ZNF724: variants seen among roughly 807,000 people sequenced by gnomAD.
ZNF724 encodes zinc finger protein 724 pseudogene.
In ZNF724, 14 loss-of-function variants were observed where a neutral mutation model predicts 29.3. The ratio of observed to expected loss-of-function variants is 0.48; its 90% CI spans 0.32 to 0.75. The LOEUF is 0.75. Ranked by LOEUF, ZNF724 falls within the 30% of genes least tolerant of loss-of-function variation. The pLI is 0.04. For missense variants in ZNF724, 557 were observed against 571.2 expected (o/e 0.98, Z 0.25); for synonymous variants, 180 against 193.6 (o/e 0.93, Z 0.58).
At chr19:23,245,482 G>A (rs1298052134) in intron 1 of ZNF724, among the ~76,000 whole-genome samples, 5 of 152,040 alleles carry the variant, frequency 3.3e-5, no homozygotes, top group South Asian at 2.1e-4. Context: ...GCGTGGTGGC[G>A]GGCGCCAGTA....
intron 1 of ZNF724, among the ~76,000 whole-genome samples, chr19:23,239,393 C>A (rs4932844): frequency 0.52 from 78,097 of 151,530 alleles, 20,872 homozygotes; most frequent in East Asian, 0.68. Flanking sequence ...AGCTTTGTAA[C>A]GATATAATTC....
chr19:23,222,797 C>T lies in ZNF724; in HGVS notation c.1448G>A (p.Cys483Tyr). The T allele has an allele frequency of 7.1e-7, 1 of 1,415,818 alleles. No homozygotes were observed. Among genetic ancestry groups the T allele is most frequent in the South Asian group, 1.2e-5 (1 of 84,486 alleles). 87.7% of individuals were successfully genotyped at this position (1,415,818 alleles called of 1,614,324 possible). A position where few individuals can be genotyped will look rare whatever the true frequency, so the allele number is the denominator to read the frequency against. ...TGEKPYKCEE[C>Y]GKAFNLSSHL... ...TGAGGATAGGTTAAAAGCTTTGCCA[C>T]ATTCTTCACATTTGTAGGGTTTCTC... is the stretch of plus-strand genomic sequence containing the variant. Residue 483 changes from cysteine to tyrosine, a missense_variant, in exon 4 of 4, where the codon TGT (cysteine) becomes TAT (tyrosine). Transcript: ENST00000418100.
Position 23,222,655 on chromosome 19 carries a change from T to G in ZNF724, c.1590A>C (p.Gly530=), listed in dbSNP as rs10411741. The G allele has an allele frequency of 0.55, 748,995 of 1,359,392 alleles. 208,029 individuals carry two copies. The highest frequency in any genetic ancestry group is 0.7 in the East Asian group (30,030 of 43,126). 84.2% of individuals were successfully genotyped at this position (1,359,392 alleles called of 1,614,324 possible). The change falls in exon 4 of 4, where the codon GGA becomes GGC. Residue 530 remains glycine, a synonymous_variant. Transcript: ENST00000418100. ...ATTCTTCACATTTGTAGGGTTTCTC[T>G]CCAGCATGAATTATCTTATGTCTAG... The part of the protein sequence containing the change: ...TLARHKIIHA[G]EKPYKCEECG...
intron 1 of ZNF724, among the ~76,000 whole-genome samples, chr19:23,243,039 C>CAAA (rs762188669): frequency 4.5e-5 from 5 of 112,232 alleles, no homozygotes; most frequent in African/African-American, 7.5e-5. Context: ...AACTCCATCT[C>CAAA]AAAAAAAAAA....
intron 1 of ZNF724, among the ~76,000 whole-genome samples, chr19:23,243,055 A>AAAG (rs1555725627): frequency 7.0e-4 from 26 of 37,136 alleles, no homozygotes; most frequent in African/African-American, 1.3e-3. Flanking sequence ...AAAAAAAAAA[A>AAAG]AAAGAAAGAA....
chr19:23,231,381 T>C lies in ZNF724; in HGVS notation c.131-20A>G. On this transcript the variant is annotated intron_variant, in intron 2 of 3. Transcript: ENST00000418100. Reference sequence around the variant, plus strand: ...CAATACCTGTTTTATTAAAAATAAATAACATGAATGTTGCTCATATTCTTT... The same window carrying C: ...CAATACCTGTTTTATTAAAAATAAACAACATGAATGTTGCTCATATTCTTT... 7.6e-7 allele frequency: 1 copy of C among 1,313,248 alleles called. No homozygotes were observed. Among genetic ancestry groups the C allele is most frequent in the East Asian group, 2.4e-5 (1 of 42,356 alleles). The allele number at this position is 1,313,248 out of a possible 1,614,324, so 81.3% of individuals were successfully genotyped here.
chr19:23,223,066 T>C lies in ZNF724; in HGVS notation c.1179A>G (p.Pro393=), dbSNP rs879207986. 4 of 1,279,664 alleles carry C rather than the reference T, an allele frequency of 3.1e-6. No homozygotes were observed. In the African/African-American group the frequency reaches 4.4e-5, roughly 14 times the overall value. 79.3% of individuals were successfully genotyped at this position (1,279,664 alleles called of 1,614,324 possible). A position where few individuals can be genotyped will look rare whatever the true frequency, so the allele number is the denominator to read the frequency against. Reference sequence around the variant, plus strand: ...CTTTGCCACATTCTTCACATTTGTATGGTTTTTCTCCAGTATGAATTCTCT... The same window carrying C: ...CTTTGCCACATTCTTCACATTTGTACGGTTTTTCTCCAGTATGAATTCTCT... ...QHKRIHTGEK[P]YKCEECGKAF... is the part of the protein sequence containing the mutation. Residue 393 remains proline (P), a synonymous_variant, in exon 4 of 4, where the codon CCA becomes CCG. Transcript: ENST00000418100.
At chr19:23,228,508 T>C (rs865916361) in intron 3 of ZNF724, among the ~76,000 whole-genome samples, 3 of 150,688 alleles carry the variant, frequency 2.0e-5, no homozygotes, top group African/African-American at 7.3e-5. Context: ...TCTCAGCACT[T>C]TGGGGGACTG....
chr19:23,240,084 G>A (rs1972092418), intron 1 of ZNF724, among the ~76,000 whole-genome samples: 1 of 152,088 alleles, frequency 6.6e-6, no homozygotes, highest in Non-Finnish European at 1.5e-5. Context: ...GGCCAAGGAA[G>A]GTGGATCACC....
rs766913508 is a variant in ZNF724, at chr19:23,223,484, T to A, written c.761A>T (p.Tyr254Phe). The A allele has an allele frequency of 5.3e-6, 4 of 755,718 alleles. No individual in the cohort carries two copies. In the Admixed American group the frequency reaches 7.3e-5, roughly 14 times the overall value. 46.8% of individuals were successfully genotyped at this position (755,718 alleles called of 1,614,324 possible). The change falls in exon 4 of 4, where the codon TAC (tyrosine) becomes TTC (phenylalanine). Residue 254 changes from tyrosine to phenylalanine, a missense_variant. Tyr to Phe is a conservative substitution (Grantham distance 22, BLOSUM62 3). Transcript: ENST00000418100. ...HKIIHTGEKSYKREECGKAFN... is the reference protein window; with the variant it reads ...HKIIHTGEKSFKREECGKAFN... ...AGCTTTTCCACATTCTTCACGTTTG[T>A]AGGATTTCTCTCCAGTATGAATTAT...
chr19:23,224,718 TGCCGGGTGG>T (rs986545873), intron 3 of ZNF724, among the ~76,000 whole-genome samples: 2 of 40,954 alleles, frequency 4.9e-5, no homozygotes, highest in Non-Finnish European at 1.1e-4. Context: ...CACTTTGGCG[TGCCGGGTGG>T]GCCGATCACC....
At chr19:23,246,394 C>T (rs1243793334) in intron 1 of ZNF724, among the ~76,000 whole-genome samples, 1 of 152,162 alleles carries the variant, frequency 6.6e-6, no homozygotes, top group African/African-American at 2.4e-5. Flanking sequence ...CAGTGGATCA[C>T]ACCTGTAATC....
intron 1 of ZNF724, chr19:23,242,671 G>A (rs10417601): frequency 0.15 from 21,704 of 149,456 alleles, 1,692 homozygotes; most frequent in South Asian, 0.17. Flanking sequence ...CCAAGATCAC[G>A]CCATTGCACT....
chr19:23,249,589 G>A (rs970827535), intron 1 of ZNF724, among the ~76,000 whole-genome samples: 2 of 152,044 alleles, frequency 1.3e-5, no homozygotes, highest in Non-Finnish European at 2.9e-5. Context: ...TAGTAGAAAC[G>A]GGGGTTTCAC....
intron 1 of ZNF724, among the ~76,000 whole-genome samples, chr19:23,233,906 G>A (rs1206571422): frequency 1.3e-5 from 2 of 151,754 alleles, no homozygotes; most frequent in Non-Finnish European, 2.9e-5. Context: ...AATGCCACCT[G>A]TTTACATGCT....
chr19:23,228,036 T>C (rs1971870070), intron 3 of ZNF724, among the ~76,000 whole-genome samples: 1 of 152,144 alleles, frequency 6.6e-6, no homozygotes, highest in Non-Finnish European at 1.5e-5. Context: ...AAGCATCATG[T>C]CTCACACCTG....
intron 3 of ZNF724, among the ~76,000 whole-genome samples, chr19:23,228,557 C>A (rs1971880259): frequency 6.6e-6 from 1 of 151,848 alleles, no homozygotes; most frequent in African/African-American, 2.4e-5. Flanking sequence ...GAATTCGAGA[C>A]CAGCCTGGCC....
At chr19:23,226,974 G>A (rs1971840405) in intron 3 of ZNF724, among the ~76,000 whole-genome samples, 2 of 138,902 alleles carry the variant, frequency 1.4e-5, no homozygotes, top group Admixed American at 1.4e-4. Flanking sequence ...AAATAATAAG[G>A]GAAATGTTTA....
rs759161675 is a variant in ZNF724, at chr19:23,222,405, C to T, written c.1840G>A (p.Val614Ile). 8.5e-7 allele frequency: 1 copy of T among 1,173,758 alleles called. No homozygotes were observed. The highest frequency in any genetic ancestry group is 1.3e-6 in the Non-Finnish European group (1 of 789,084). The allele number at this position is 1,173,758 out of a possible 1,614,324, so 72.7% of individuals were successfully genotyped here. Residue 614 changes from valine (V) to isoleucine (I), a missense_variant, in exon 4 of 4, where the codon GTA becomes ATA. This residue lies in a region of ZNF724 where 170 missense variants were observed against 220.7 expected (regional missense o/e 0.77). Transcript: ENST00000418100. ...NLTTHKKIHA[V>I]EKSDK ...TTTTCTTATTTGTCAGATTTTTCTA[C>T]AGCATGAATTTTCTTGTGTGTAGTA...
Sources: allele counts gnomAD v4.1 joint callset (sites outside exome capture counted in the v4.1 genomes callset), GRCh38; gene constraint gnomAD v4.1.1; regional missense constraint gnomAD v4.1.1; transcripts MANE v1.5; gene names NCBI Gene and HGNC (gene_info 2026-07-23, HGNC 2026-07-21).